The following RASAL2 variants were observed in gnomAD, a reference collection of about 807,000 sequenced individuals.
The protein encoded by RASAL2 is RAS protein activator like 2.
Under a neutral mutation model 128.9 loss-of-function variants are expected in RASAL2, and 58 were observed. That is an observed-to-expected ratio of 0.45 (90% CI 0.36 to 0.56). RASAL2 has a LOEUF of 0.56. RASAL2 is among the 20% of genes least tolerant of loss of function. The pLI is 0.00. For missense variants in RASAL2, 1,360 were observed against 1,601.6 expected (o/e 0.85, Z 2.57); for synonymous variants, 561 against 580.8 (o/e 0.97, Z 0.49).
chr1:178,408,316 A>ATT, intron 4 of RASAL2, among the ~76,000 whole-genome samples: 1 of 152,288 alleles, frequency 6.6e-6, no homozygotes, highest in East Asian at 1.9e-4. Context: ...CTGGAACATC[A>ATT]TTCACACTCT....
intron 5 of RASAL2, among the ~76,000 whole-genome samples, chr1:178,430,164 C>T (rs1675793840): frequency 6.6e-6 from 1 of 152,072 alleles, no homozygotes; most frequent in Non-Finnish European, 1.5e-5. Flanking sequence ...AGAGTCAAAA[C>T]TGACTTCCAG....
chr1:178,282,682 A>G (rs1481982173), intron 1 of RASAL2, among the ~76,000 whole-genome samples: 2 of 152,192 alleles, frequency 1.3e-5, no homozygotes, highest in Non-Finnish European at 2.9e-5. Context: ...CATAATAACT[A>G]AGTAATGATA....
intron 3 of RASAL2, among the ~76,000 whole-genome samples, chr1:178,308,169 T>C (rs1322066531): frequency 6.6e-6 from 1 of 152,102 alleles, no homozygotes; most frequent in African/African-American, 2.4e-5. Flanking sequence ...CAAAAACCTA[T>C]AAACATTTGG....
chr1:178,462,987 C>T (rs901046022), intron 14 of RASAL2, among the ~76,000 whole-genome samples: 8 of 152,124 alleles, frequency 5.3e-5, no homozygotes, highest in African/African-American at 1.7e-4. Flanking sequence ...TCTCTGATAG[C>T]CTTTTAGTCT....
chr1:178,393,759 G>T (rs1479734336), intron 4 of RASAL2, among the ~76,000 whole-genome samples: 1 of 152,022 alleles, frequency 6.6e-6, no homozygotes, highest in Non-Finnish European at 1.5e-5. Context: ...AATCTGTTCC[G>T]ATCATCTTTA....
At chr1:178,443,376 C>A in intron 8 of RASAL2, 147 bp downstream of exon 8, 2 of 756,744 alleles carry the variant, frequency 2.6e-6, no homozygotes, top group Non-Finnish European at 4.0e-6. Context: ...CCTATTAGAT[C>A]CAGAAAAGAT....
chr1:178,186,200 T>A (rs1662288085), intron 1 of RASAL2, among the ~76,000 whole-genome samples: 1 of 152,022 alleles, frequency 6.6e-6, no homozygotes, highest in East Asian at 1.9e-4. Flanking sequence ...ATAACGTCCA[T>A]GTGATCAGTA....
Position 178,120,264 on chromosome 1 carries a change from G to A in RASAL2, c.202+25570G>A, listed in dbSNP as rs578102772. On this transcript the variant is annotated intron_variant, in intron 1 of 17. Transcript: ENST00000367649. Reference sequence around the variant, plus strand: ...ACTCATAATTTAAGTAGGACTCTTGGTATTTTAAGTGTAGATTTCTTTTTG... The same window carrying A: ...ACTCATAATTTAAGTAGGACTCTTGATATTTTAAGTGTAGATTTCTTTTTG... 1.3e-4 allele frequency among the ~76,000 whole-genome samples: 20 copies of A among 152,274 alleles called. No homozygotes were observed. In the South Asian group the frequency reaches 1.9e-3, roughly 14 times the overall value.
chr1:178,371,887 T>G (rs1407209839), intron 3 of RASAL2, among the ~76,000 whole-genome samples: 1 of 152,210 alleles, frequency 6.6e-6, no homozygotes, highest in Non-Finnish European at 1.5e-5. Context: ...TCTTTATTCT[T>G]TATTTTCGTA....
chr1:178,131,598 T>C (rs925543868), intron 1 of RASAL2, among the ~76,000 whole-genome samples: 1 of 152,094 alleles, frequency 6.6e-6, no homozygotes, highest in Non-Finnish European at 1.5e-5. Flanking sequence ...TAGTAACTCT[T>C]GCAAGGTGGT....
intron 3 of RASAL2, among the ~76,000 whole-genome samples, chr1:178,360,274 AT>A: frequency 6.6e-6 from 1 of 152,214 alleles, no homozygotes; most frequent in African/African-American, 2.4e-5. Flanking sequence ...GGGAGACAGG[AT>A]TGGAGAAAAG....
intron 3 of RASAL2, among the ~76,000 whole-genome samples, chr1:178,373,442 G>A (rs1458529834): frequency 6.6e-6 from 1 of 151,540 alleles, no homozygotes; most frequent in Non-Finnish European, 1.5e-5. Context: ...TCGTTTCTCT[G>A]AAGCCTATCT....
intron 4 of RASAL2, among the ~76,000 whole-genome samples, chr1:178,395,775 A>G (rs1372582845): frequency 6.9e-6 from 1 of 144,640 alleles, no homozygotes; most frequent in South Asian, 2.1e-4. Context: ...TGAACAGTAT[A>G]TATATATATA....
intron 5 of RASAL2, among the ~76,000 whole-genome samples, chr1:178,435,809 G>A (rs1339352043): frequency 6.6e-6 from 1 of 152,046 alleles, no homozygotes; most frequent in Non-Finnish European, 1.5e-5. Flanking sequence ...GGATGATGGG[G>A]CAGTATGGGA....
chr1:178,305,730 A>G (rs1300135268), intron 3 of RASAL2, among the ~76,000 whole-genome samples: 2 of 152,196 alleles, frequency 1.3e-5, no homozygotes, highest in African/African-American at 4.8e-5. Context: ...GAATTTGGAA[A>G]TAAAGGGGAA....
At chr1:178,367,785 T>C (rs1671481434) in intron 3 of RASAL2, among the ~76,000 whole-genome samples, 2 of 152,176 alleles carry the variant, frequency 1.3e-5, no homozygotes, top group South Asian at 4.1e-4. Context: ...AAGACAATTA[T>C]TCAGTTATTA....
At position 178,282,363 on chromosome 1, in the gene RASAL2, G is replaced by A. The variant is rs73035225; in HGVS notation, c.203-1201G>A. Among the ~76,000 whole-genome samples, 1,506 of 152,220 alleles carry A rather than the reference G, an allele frequency of 9.9e-3. 20 individuals are homozygous for A. Among genetic ancestry groups the A allele is most frequent in the African/African-American group, 0.034 (1,405 of 41,520 alleles). ...AAGGGATTTATAAACAGAGACCTAC[G>A]TAGTTCTATGAAGAGAGACATATAG... On this transcript the variant is annotated intron_variant, in intron 1 of 17. Coordinates refer to ENST00000367649, the MANE Select transcript of RASAL2 (RefSeq NM_170692.4).
intron 1 of RASAL2, among the ~76,000 whole-genome samples, chr1:178,151,534 C>T (rs563037392): frequency 8.5e-5 from 13 of 152,312 alleles, no homozygotes; most frequent in African/African-American, 1.9e-4. Flanking sequence ...TTCTCATATT[C>T]GCTAAGCGGT....
chr1:178,305,106 G>A (rs1190748590), intron 3 of RASAL2, among the ~76,000 whole-genome samples: 2 of 152,016 alleles, frequency 1.3e-5, no homozygotes, highest in African/African-American at 2.4e-5. Context: ...AGTGAGTATC[G>A]CTACAATGAA....
Sources: allele counts gnomAD v4.1 joint callset (sites outside exome capture counted in the v4.1 genomes callset), GRCh38; gene constraint gnomAD v4.1.1; transcripts MANE v1.5; gene names NCBI Gene and HGNC (gene_info 2026-07-23, HGNC 2026-07-21).